Variants in NRG3 observed in about 807,000 individuals in gnomAD.
NRG3 encodes the protein neuregulin 3, also known as pro-neuregulin-3, membrane-bound isoform.
In NRG3, 31 loss-of-function variants were observed where a neutral mutation model predicts 66.9. The observed-to-expected ratio is 0.46, with a 90% CI of 0.35 to 0.63. The LOEUF is 0.63. NRG3 is among the 20% of genes least tolerant of loss of function. The pLI, the probability that NRG3 is intolerant of heterozygous loss-of-function variation, is 0.00. For synonymous variants in NRG3, 393 were observed against 359.4 expected (o/e 1.09, Z -1.06); for missense variants, 910 against 878.9 (o/e 1.04, Z -0.45).
At chr10:82,792,386 A>G (rs1230961930) in intron 3 of NRG3, among the ~76,000 whole-genome samples, 1 of 152,142 alleles carries the variant, frequency 6.6e-6, no homozygotes, top group Non-Finnish European at 1.5e-5. Context: ...AGGGAATTTT[A>G]ATTTGTATCT....
intron 1 of NRG3, among the ~76,000 whole-genome samples, chr10:82,116,700 C>T (rs567327347): frequency 6.6e-6 from 1 of 152,220 alleles, no homozygotes; most frequent in South Asian, 2.1e-4. Flanking sequence ...ACATATAACT[C>T]TTCCTAATGG....
intron 1 of NRG3, among the ~76,000 whole-genome samples, chr10:82,009,778 G>A (rs1204863163): frequency 6.6e-6 from 1 of 152,128 alleles, no homozygotes; most frequent in Non-Finnish European, 1.5e-5. Flanking sequence ...CAAATCCCTG[G>A]GATCAGACCT....
At chr10:82,512,451 A>C (rs372853084) in intron 2 of NRG3, among the ~76,000 whole-genome samples, 1 of 151,920 alleles carries the variant, frequency 6.6e-6, no homozygotes, top group African/African-American at 2.4e-5. Context: ...ACGCTTGGCT[A>C]ATTTTTGTAT....
At chr10:82,738,549 A>G (rs1189995040) in intron 2 of NRG3, 28 bp from the exon 3 acceptor site, 8 of 1,587,258 alleles carry the variant, frequency 5.0e-6, no homozygotes, top group Non-Finnish European at 6.9e-6. Flanking sequence ...CCACATGCGT[A>G]TGTTTGTCAT....
intron 4 of NRG3, among the ~76,000 whole-genome samples, chr10:82,875,878 G>A (rs986196303): frequency 6.6e-6 from 1 of 152,192 alleles, no homozygotes; most frequent in African/African-American, 2.4e-5. Context: ...CCTATTGGGA[G>A]AAGTAAAAGT....
At chr10:82,018,310 C>A (rs1201860423) in intron 1 of NRG3, among the ~76,000 whole-genome samples, 2 of 152,076 alleles carry the variant, frequency 1.3e-5, no homozygotes, top group South Asian at 4.2e-4. Flanking sequence ...CTTTTGGTAC[C>A]AGTACCATGC....
At chr10:82,071,624 G>T (rs2064811226) in intron 1 of NRG3, among the ~76,000 whole-genome samples, 1 of 152,134 alleles carries the variant, frequency 6.6e-6, no homozygotes, top group African/African-American at 2.4e-5. Flanking sequence ...GAACCCCATA[G>T]GCCATTGTGA....
chr10:82,888,594 T>TA (rs1842904736), intron 4 of NRG3, among the ~76,000 whole-genome samples: 1 of 152,186 alleles, frequency 6.6e-6, no homozygotes, highest in Admixed American at 6.5e-5. Context: ...TATGAGCACT[T>TA]ACTGTACGCC....
chr10:82,927,921 T>C (rs1400041407), intron 4 of NRG3, among the ~76,000 whole-genome samples: 12 of 152,222 alleles, frequency 7.9e-5, no homozygotes, highest in African/African-American at 2.7e-4. Flanking sequence ...ATCACCACAC[T>C]GTCATCCACA....
At chr10:82,568,274 G>A (rs1376609957) in intron 2 of NRG3, among the ~76,000 whole-genome samples, 1 of 151,778 alleles carries the variant, frequency 6.6e-6, no homozygotes, top group African/African-American at 2.4e-5. Flanking sequence ...AGCATTACAG[G>A]AGCAGTTTAG....
chr10:81,914,523 G>C (rs1845478386), intron 1 of NRG3, among the ~76,000 whole-genome samples: 1 of 151,972 alleles, frequency 6.6e-6, no homozygotes, highest in Non-Finnish European at 1.5e-5. Flanking sequence ...GGTTGAGACT[G>C]GGAGTTCGAG....
At chr10:82,727,280 G>A (rs1030343797) in intron 2 of NRG3, among the ~76,000 whole-genome samples, 4 of 152,100 alleles carry the variant, frequency 2.6e-5, no homozygotes, top group African/African-American at 7.2e-5. Flanking sequence ...AAGGTATGTC[G>A]GAGATCTTCA....
intron 6 of NRG3, among the ~76,000 whole-genome samples, chr10:82,972,229 TTAAA>T (rs758565872): frequency 2.6e-5 from 4 of 152,178 alleles, no homozygotes; most frequent in Admixed American, 6.5e-5. Flanking sequence ...TTTCTAATAC[TTAAA>T]TATATATATT....
chr10:81,998,806 C>T (rs773224091), intron 1 of NRG3, among the ~76,000 whole-genome samples: 1 of 152,162 alleles, frequency 6.6e-6, no homozygotes, highest in Non-Finnish European at 1.5e-5. Context: ...TGTAAACATC[C>T]TCACTTTTTA....
intron 1 of NRG3, among the ~76,000 whole-genome samples, chr10:81,946,975 T>C (rs1848901486): frequency 6.6e-6 from 1 of 152,202 alleles, no homozygotes; most frequent in African/African-American, 2.4e-5. Flanking sequence ...ACTGGGTGGC[T>C]TAGAACAACA....
intron 1 of NRG3, among the ~76,000 whole-genome samples, chr10:81,964,395 C>CAAAAAAAA (rs58231167): frequency 3.0e-5 from 2 of 65,848 alleles, no homozygotes; most frequent in African/African-American, 5.1e-5. Context: ...GACTCTGTCT[C>CAAAAAAAA]AAAAAAAAAA....
intron 3 of NRG3, among the ~76,000 whole-genome samples, chr10:82,822,426 C>G (rs950956672): frequency 5.9e-5 from 9 of 152,138 alleles, no homozygotes; most frequent in Non-Finnish European, 7.3e-5. Flanking sequence ...CGTCCAAGAA[C>G]TGCCACAAAG....
At chr10:81,898,115 G>A (rs1050827476) in intron 1 of NRG3, among the ~76,000 whole-genome samples, 1 of 152,160 alleles carries the variant, frequency 6.6e-6, no homozygotes, top group African/African-American at 2.4e-5. Flanking sequence ...GGGATGGCCT[G>A]CTAATCCTGT....
intron 1 of NRG3, among the ~76,000 whole-genome samples, chr10:82,318,285 T>C (rs954005722): frequency 3.9e-5 from 6 of 152,132 alleles, no homozygotes; most frequent in African/African-American, 1.4e-4. Context: ...TGTGACCCAG[T>C]TCCCAGCTTG....
Sources: allele counts gnomAD v4.1 joint callset (sites outside exome capture counted in the v4.1 genomes callset), GRCh38; gene constraint gnomAD v4.1.1; transcripts MANE v1.5; gene names NCBI Gene and HGNC (gene_info 2026-07-23, HGNC 2026-07-21).